The following TMEM245 variants were observed in gnomAD, a reference collection of about 807,000 sequenced individuals.
TMEM245 encodes transmembrane protein 245.
Under a neutral mutation model 101.2 loss-of-function variants are expected in TMEM245, and 69 were observed. The ratio of observed to expected loss-of-function variants is 0.68; its 90% CI spans 0.56 to 0.83. The LOEUF (loss-of-function observed/expected upper bound fraction) is 0.83. TMEM245 is among the 40% of genes least tolerant of loss of function. TMEM245 has a pLI of 0.00. For synonymous variants in TMEM245, 537 were observed against 449.8 expected, an observed-to-expected ratio of 1.19 and a Z score of -2.45; for missense variants, 1,075 against 1,092.8, an observed-to-expected ratio of 0.98 and a Z score of 0.23.
At chr9:109,054,696 A>G (rs1190061531) in intron 12 of TMEM245, among the ~76,000 whole-genome samples, 1 of 152,218 alleles carries the variant, frequency 6.6e-6, no homozygotes, top group Non-Finnish European at 1.5e-5. Context: ...TAGAGGATGA[A>G]ATACAGTTTG....
chr9:109,050,874 A>G (rs1828657970), intron 12 of TMEM245, among the ~76,000 whole-genome samples, 182 bp from the exon 13 acceptor site: 1 of 151,878 alleles, frequency 6.6e-6, no homozygotes, highest in Non-Finnish European at 1.5e-5. Context: ...TGTATACTCA[A>G]TAGTAAAGAA....
intron 17 of TMEM245, among the ~76,000 whole-genome samples, chr9:109,020,939 A>G (rs1268106106): frequency 6.6e-6 from 1 of 152,236 alleles, no homozygotes; most frequent in African/African-American, 2.4e-5. Flanking sequence ...TTTATTACAA[A>G]ATAGAAATCG....
Position 109,115,762 on chromosome 9 carries a change from T to C in TMEM245, c.579+3573A>G, listed in dbSNP as rs145828948. On this transcript the variant is annotated intron_variant, in intron 1 of 17. Transcript: ENST00000374586. ...CCAGGCTGGTCTCGAACTCCTGACCTCAGGTGATCTGCCTGCCTCGGCTTC... is the reference window on the plus strand; with the variant it reads ...CCAGGCTGGTCTCGAACTCCTGACCCCAGGTGATCTGCCTGCCTCGGCTTC... Among the ~76,000 whole-genome samples, 1,347 of 152,176 alleles carry C rather than the reference T, an allele frequency of 8.9e-3. 10 individuals are homozygous for C. Among genetic ancestry groups the C allele is most frequent in the Non-Finnish European group, 0.013 (888 of 67,988 alleles).
intron 5 of TMEM245, among the ~76,000 whole-genome samples, chr9:109,090,543 A>C (rs562028253): frequency 3.8e-4 from 58 of 152,080 alleles, no homozygotes; most frequent in African/African-American, 1.2e-3. Context: ...TAACATGGTG[A>C]AACGCTGTCT....
At chr9:109,026,483 C>T (rs1177315279) in intron 17 of TMEM245, among the ~76,000 whole-genome samples, 2 of 151,362 alleles carry the variant, frequency 1.3e-5, no homozygotes, top group Admixed American at 6.6e-5. Context: ...GAGAAAGCAG[C>T]GTGCACAAAG....
chr9:109,021,828 C>T (rs565708095), intron 17 of TMEM245, among the ~76,000 whole-genome samples: 76 of 151,956 alleles, frequency 5.0e-4, no homozygotes, highest in African/African-American at 1.6e-3. Context: ...CCAAAAAAAG[C>T]AAGGAAGGGA....
intron 8 of TMEM245, 123 bp downstream of exon 8, chr9:109,080,716 G>C (rs1465727148): frequency 5.0e-6 from 3 of 598,960 alleles, no homozygotes; most frequent in Non-Finnish European, 5.9e-6. Flanking sequence ...AAATCCTTTA[G>C]CTATTGTACA....
intron 14 of TMEM245, 44 bp from the exon 15 acceptor site, chr9:109,038,161 C>A: frequency 6.8e-7 from 1 of 1,479,560 alleles, no homozygotes; most frequent in South Asian, 1.2e-5. Context: ...TAAACAGTGT[C>A]ATATCGTGAT....
At chr9:109,115,673 G>A (rs1190806040) in intron 1 of TMEM245, among the ~76,000 whole-genome samples, 1 of 151,038 alleles carries the variant, frequency 6.6e-6, no homozygotes, top group African/African-American at 2.5e-5. Flanking sequence ...TGGGATTATG[G>A]AGTCGGCCGT....
intron 17 of TMEM245, among the ~76,000 whole-genome samples, chr9:109,033,000 T>C (rs1828009762): frequency 1.3e-5 from 2 of 152,112 alleles, no homozygotes; most frequent in African/African-American, 2.4e-5. Flanking sequence ...GGTTTCGCCA[T>C]GTTGGCCAGG....
intron 9 of TMEM245, among the ~76,000 whole-genome samples, chr9:109,067,630 T>C (rs989027750): frequency 1.2e-4 from 19 of 152,288 alleles, no homozygotes; most frequent in African/African-American, 1.9e-4. Context: ...GGCACAGGAA[T>C]CAACAGGCTT....
intron 3 of TMEM245, among the ~76,000 whole-genome samples, chr9:109,100,549 T>C (rs183326157): frequency 6.6e-6 from 1 of 152,268 alleles, no homozygotes; most frequent in East Asian, 1.9e-4. Context: ...AGGGTCTCAC[T>C]ATCTTGACCA....
intron 1 of TMEM245, among the ~76,000 whole-genome samples, chr9:109,117,953 G>A (rs1393215354): frequency 1.3e-5 from 2 of 152,200 alleles, no homozygotes; most frequent in Non-Finnish European, 2.9e-5. Flanking sequence ...GATAAAGAGC[G>A]CTGAACTGGG....
chr9:109,083,974 G>T (rs151236512), intron 7 of TMEM245, among the ~76,000 whole-genome samples: 2 of 146,180 alleles, frequency 1.4e-5, no homozygotes, highest in African/African-American at 5.1e-5. Context: ...CTACTTAGGC[G>T]GCTGAGGTGG....
intron 3 of TMEM245, among the ~76,000 whole-genome samples, chr9:109,098,554 C>CA (rs886220898): frequency 8.7e-4 from 119 of 136,302 alleles, no homozygotes; most frequent in East Asian, 1.1e-3. Flanking sequence ...AATCAGAGTC[C>CA]AAAAAAAAAA....
intron 3 of TMEM245, among the ~76,000 whole-genome samples, chr9:109,105,563 T>A (rs1830388297): frequency 6.6e-6 from 1 of 152,246 alleles, no homozygotes; most frequent in Admixed American, 6.5e-5. Flanking sequence ...ATAGCAGCAC[T>A]ATTCACAATA....
intron 5 of TMEM245, among the ~76,000 whole-genome samples, chr9:109,089,423 T>C (rs1829935907): frequency 6.6e-6 from 1 of 152,156 alleles, no homozygotes; most frequent in Non-Finnish European, 1.5e-5. Flanking sequence ...GTAAATGGGC[T>C]AATAAGTTTA....
intron 1 of TMEM245, among the ~76,000 whole-genome samples, chr9:109,114,077 C>T (rs983174249): frequency 5.6e-5 from 8 of 142,338 alleles, no homozygotes; most frequent in Middle Eastern, 3.5e-3. Flanking sequence ...AATCCATCCC[C>T]AAAACAAAAC....
chr9:109,093,415 A>G (rs1830059737), intron 4 of TMEM245, 60 bp downstream of exon 4: 1 of 1,410,972 alleles, frequency 7.1e-7, no homozygotes, highest in African/African-American at 1.4e-5. Flanking sequence ...CCTGAATTTT[A>G]CTTTCTATGT....
Sources: gnomAD v4.1 joint callset for allele counts (sites outside exome capture counted in the v4.1 genomes callset) on GRCh38, gnomAD v4.1.1 for gene constraint, MANE v1.5 for transcripts, NCBI Gene and HGNC (gene_info 2026-07-23, HGNC 2026-07-21) for gene names.